The following TEC variants were observed in gnomAD, a reference collection of about 807,000 sequenced individuals.
TEC encodes the protein tyrosine-protein kinase Tec.
In TEC, 72 loss-of-function variants were observed where a neutral mutation model predicts 93.0. The ratio of observed to expected loss-of-function variants is 0.77; its 90% CI spans 0.64 to 0.94. The LOEUF is 0.94. TEC is among the 40% of genes least tolerant of loss of function. The probability of loss-of-function intolerance (pLI) is 0.00; values close to 1 mark genes in which losing one functional copy is unlikely to be tolerated. For missense variants in TEC, 630 were observed against 757.9 expected (o/e 0.83, Z 1.98); for synonymous variants, 249 against 247.7 (o/e 1.01, Z -0.05).
intron 2 of TEC, among the ~76,000 whole-genome samples, chr4:48,197,072 A>G (rs964444111): frequency 9.2e-5 from 14 of 152,222 alleles, no homozygotes; most frequent in African/African-American, 3.1e-4. Context: ...TAATGTTACA[A>G]AGACATATTT....
intron 2 of TEC, among the ~76,000 whole-genome samples, chr4:48,203,825 A>C (rs1722612949): frequency 1.3e-5 from 2 of 152,214 alleles, no homozygotes; most frequent in Non-Finnish European, 2.9e-5. Flanking sequence ...AAGAACAGCC[A>C]CTTTGGGCTA....
At chr4:48,188,910 C>A (rs1025334347) in intron 2 of TEC, among the ~76,000 whole-genome samples, 2 of 152,144 alleles carry the variant, frequency 1.3e-5, no homozygotes, top group South Asian at 4.1e-4. Context: ...CATATGCGCG[C>A]ACACACGCAT....
intron 1 of TEC, among the ~76,000 whole-genome samples, chr4:48,233,264 G>T (rs558403803): frequency 1.3e-5 from 2 of 152,060 alleles, no homozygotes; most frequent in Non-Finnish European, 2.9e-5. Context: ...CCAAAAAAAT[G>T]GCACAGCCAG....
At chr4:48,149,159 G>C (rs1255132706) in intron 11 of TEC, among the ~76,000 whole-genome samples, 1 of 151,954 alleles carries the variant, frequency 6.6e-6, no homozygotes, top group African/African-American at 2.4e-5. Context: ...CTTTATAATA[G>C]AATGATTTAT....
intron 1 of TEC, among the ~76,000 whole-genome samples, chr4:48,243,282 C>T (rs1210087566): frequency 6.6e-6 from 1 of 152,182 alleles, no homozygotes; most frequent in Non-Finnish European, 1.5e-5. Context: ...GTAACTTAAA[C>T]AGGTAAGTCT....
intron 14 of TEC, among the ~76,000 whole-genome samples, chr4:48,142,459 C>A (rs1213498875): frequency 6.6e-6 from 1 of 151,990 alleles, no homozygotes; most frequent in Non-Finnish European, 1.5e-5. Context: ...GGTGACAGAG[C>A]AAGACTCCGT....
chr4:48,208,445 T>C (rs1722785800), intron 2 of TEC, among the ~76,000 whole-genome samples: 1 of 152,050 alleles, frequency 6.6e-6, no homozygotes, highest in Non-Finnish European at 1.5e-5. Flanking sequence ...GCCTGTTACT[T>C]AAAAAACAAA....
intron 1 of TEC, among the ~76,000 whole-genome samples, chr4:48,240,576 T>C (rs1279700563): frequency 6.6e-6 from 1 of 152,110 alleles, no homozygotes; most frequent in African/African-American, 2.4e-5. Flanking sequence ...AAAACCACAG[T>C]CTAATGCAAC....
chr4:48,226,419 C>T (rs1723464593), intron 2 of TEC, among the ~76,000 whole-genome samples: 1 of 149,558 alleles, frequency 6.7e-6, no homozygotes, highest in Non-Finnish European at 1.5e-5. Flanking sequence ...CATCTTCCCC[C>T]TCTGTCACCC....
At position 48,245,264 on chromosome 4, in the gene TEC, G is replaced by A. The variant is rs553882222; in HGVS notation, c.-45-16605C>T. On this transcript the variant is annotated intron_variant, in intron 1 of 17. Coordinates refer to ENST00000381501, the MANE Select transcript of TEC (RefSeq NM_003215.3). Reference sequence around the variant, plus strand: ...GCCGAGATCGCGCCACGGCACTGCAGCCTGGCAACACAACGAGAGTCCTTC... The same window carrying A: ...GCCGAGATCGCGCCACGGCACTGCAACCTGGCAACACAACGAGAGTCCTTC... Among the ~76,000 whole-genome samples, 34 of 149,830 alleles carry A rather than the reference G, an allele frequency of 2.3e-4. No individual in the cohort carries two copies. The East Asian group carries it at 5.9e-3, about 26-fold the overall frequency.
chr4:48,140,582 A>T lies in TEC; in HGVS notation c.1535+773T>A, dbSNP rs568149349. On this transcript the variant is annotated intron_variant, in intron 15 of 17. Coordinates refer to ENST00000381501, the MANE Select transcript of TEC (RefSeq NM_003215.3). Reference sequence around the variant, plus strand: ...GGCAGGCCATACAGTCCCCGTGACAACTACTTGACTCTGCATCTGTAGCAG... The same window carrying T: ...GGCAGGCCATACAGTCCCCGTGACATCTACTTGACTCTGCATCTGTAGCAG... Among the ~76,000 whole-genome samples the T allele has an allele frequency of 5.9e-5, 9 of 152,362 alleles. No individual in the cohort carries two copies. In the South Asian group the frequency reaches 1.9e-3, roughly 32 times the overall value.
intron 8 of TEC, among the ~76,000 whole-genome samples, chr4:48,161,486 C>T (rs1439864826): frequency 6.6e-6 from 1 of 151,928 alleles, no homozygotes; most frequent in Non-Finnish European, 1.5e-5. Context: ...TTACTGATAA[C>T]ACTAGGAGCT....
chr4:48,167,794 C>A lies in TEC; in HGVS notation c.655G>T (p.Ala219Ser). ...AATACTTACCCATATTTATCTCTTG[C>A]TCTCCACCAATGAACATCATTCTTT... ...LEKNDVHWWR[A>S]RDKYGNEGYI... is the part of the protein sequence containing the mutation. The change falls in exon 7 of 18, where the codon GCA becomes TCA. Residue 219 changes from alanine (A) to serine (S), a missense_variant. Coordinates refer to ENST00000381501, the MANE Select transcript of TEC (RefSeq NM_003215.3). 6.2e-7 allele frequency: 1 copy of A among 1,613,712 alleles called. No homozygotes were observed. The highest frequency in any genetic ancestry group is 8.5e-7 in the Non-Finnish European group (1 of 1,179,740).
intron 1 of TEC, among the ~76,000 whole-genome samples, chr4:48,234,115 G>C (rs1033786409): frequency 6.6e-6 from 1 of 152,134 alleles, no homozygotes; most frequent in Non-Finnish European, 1.5e-5. Context: ...TAATCATCAA[G>C]GGTAATGCCA....
At chr4:48,233,134 G>A (rs1723692416) in intron 1 of TEC, among the ~76,000 whole-genome samples, 1 of 152,160 alleles carries the variant, frequency 6.6e-6, no homozygotes, top group South Asian at 2.1e-4. Context: ...GAGCTTAAGT[G>A]AAACTGTACA....
intron 2 of TEC, among the ~76,000 whole-genome samples, chr4:48,210,487 T>TAA (rs576347308): frequency 0.013 from 1,969 of 147,422 alleles, 50 homozygotes; most frequent in African/African-American, 0.047. Flanking sequence ...TGCCTCTTTA[T>TAA]AAAAAAAATG....
intron 1 of TEC, among the ~76,000 whole-genome samples, chr4:48,257,382 G>T (rs1398382851): frequency 6.6e-6 from 1 of 152,084 alleles, no homozygotes; most frequent in Non-Finnish European, 1.5e-5. Context: ...CTAACTGCTT[G>T]GTTTTGTTTG....
intron 8 of TEC, among the ~76,000 whole-genome samples, chr4:48,160,904 T>TA (rs200029660): frequency 1.8e-3 from 214 of 118,138 alleles, no homozygotes; most frequent in African/African-American, 5.8e-3. Context: ...AGTAGGGATT[T>TA]AAAAAAAAAA....
At chr4:48,163,624 ATC>A in intron 8 of TEC, 76 bp downstream of exon 8, 3 of 920,686 alleles carry the variant, frequency 3.3e-6, no homozygotes, top group Non-Finnish European at 4.9e-6. Flanking sequence ...ATATCCATTA[ATC>A]TTCAAAATGC....
Sources: gnomAD v4.1 joint callset for allele counts (sites outside exome capture counted in the v4.1 genomes callset) on GRCh38, gnomAD v4.1.1 for gene constraint, MANE v1.5 for transcripts, NCBI Gene and HGNC (gene_info 2026-07-23, HGNC 2026-07-21) for gene names.